ADCYAP1R1: variants seen among roughly 807,000 people sequenced by gnomAD.
The protein encoded by ADCYAP1R1 is pituitary adenylate cyclase-activating polypeptide type I receptor.
ADCYAP1R1 carries 44 observed loss-of-function variants against 67.6 expected under a neutral mutation model. That is an observed-to-expected ratio of 0.65 (90% CI 0.51 to 0.84). The LOEUF (loss-of-function observed/expected upper bound fraction) is 0.84. Among genes scored for constraint, ADCYAP1R1 ranks in the 40% least tolerant of loss-of-function variants. The pLI is 0.00. For synonymous variants in ADCYAP1R1, 222 were observed against 219.6 expected (o/e 1.01, Z -0.10); for missense variants, 477 against 587.9 (o/e 0.81, Z 1.95).
rs190348568 is a variant in ADCYAP1R1 at position 31,065,495 on chromosome 7, G to A, written c.157+559G>A. 9.5e-4 allele frequency among the ~76,000 whole-genome samples: 144 copies of A among 152,316 alleles called. 1 individual carries two copies. The highest frequency in any genetic ancestry group is 3.4e-3 in the African/African-American group (140 of 41,572). ...GGAAGCACACATTGCAGGACATTGAGCGTTCTTAGCCTCTCCCTCTAAATG... is the reference window on the plus strand; with the variant it reads ...GGAAGCACACATTGCAGGACATTGAACGTTCTTAGCCTCTCCCTCTAAATG... On this transcript the variant is annotated intron_variant, in intron 3 of 15. Transcript: ENST00000304166.
At chr7:31,097,656 TA>T (rs3216473) in intron 13 of ADCYAP1R1, among the ~76,000 whole-genome samples, 13,771 of 151,948 alleles carry the variant, frequency 0.091, 697 homozygotes, top group African/African-American at 0.11. Context: ...AAAAAATCCT[TA>T]AAAAAAATCA....
chr7:31,058,190 G>A (rs1794337689), intron 1 of ADCYAP1R1, among the ~76,000 whole-genome samples: 1 of 152,240 alleles, frequency 6.6e-6, no homozygotes, highest in Admixed American at 6.5e-5. Flanking sequence ...CCTTCAGCCA[G>A]GGGAAGCAGA....
chr7:31,065,454 G>T (rs1221059711), intron 3 of ADCYAP1R1, among the ~76,000 whole-genome samples: 4 of 152,212 alleles, frequency 2.6e-5, no homozygotes, highest in Non-Finnish European at 4.4e-5. Flanking sequence ...GGAGGGTCCT[G>T]CTTCCCTCCA....
At chr7:31,106,169 G>T (rs1220460471) in intron 15 of ADCYAP1R1, among the ~76,000 whole-genome samples, 1 of 152,240 alleles carries the variant, frequency 6.6e-6, no homozygotes, top group Non-Finnish European at 1.5e-5. Flanking sequence ...TGATCCACCT[G>T]CCCTGTGGGA....
Position 31,108,845 on chromosome 7 carries a change from T to G in ADCYAP1R1, c.*2161T>G, listed in dbSNP as rs1796748370. ...GGAAATGGACCTTCTGTCCCTTCCATTTGGACACCACAGTGGAAGCTGGTG... is the reference window on the plus strand; with the variant it reads ...GGAAATGGACCTTCTGTCCCTTCCAGTTGGACACCACAGTGGAAGCTGGTG... On this transcript the variant is annotated 3_prime_UTR_variant, in exon 16 of 16. Transcript: ENST00000304166. The G allele has an allele frequency of 1.3e-5, 2 of 152,186 alleles. No individual in the cohort carries two copies. Among genetic ancestry groups the G allele is most frequent in the African/African-American group, 4.8e-5 (2 of 41,398 alleles). 9.4% of individuals were successfully genotyped at this position (152,186 alleles called of 1,614,324 possible).
intron 7 of ADCYAP1R1, 22 bp from the exon 8 acceptor site, chr7:31,084,715 C>G (rs748340204): frequency 6.3e-7 from 1 of 1,598,036 alleles, no homozygotes; most frequent in South Asian, 1.1e-5. Flanking sequence ...TGAAGTCCTG[C>G]ATGTCCTGTG....
intron 13 of ADCYAP1R1, chr7:31,095,646 G>A (rs1796158469): frequency 1.4e-6 from 1 of 717,590 alleles, no homozygotes; most frequent in Admixed American, 2.0e-5. Context: ...CAGCTCTCCG[G>A]TTTTTTCCTC....
Position 31,109,764 on chromosome 7 carries a change from T to C in ADCYAP1R1, c.*3080T>C, listed in dbSNP as rs1312898492. ...AGGAAATGGGATTCCAAGTCAAGGA[T>C]GCTGAGGCTGTCAGGGAGCCAGAGA... On this transcript the variant is annotated 3_prime_UTR_variant, in exon 16 of 16. Transcript: ENST00000304166. The C allele has an allele frequency of 6.6e-6, 1 of 152,466 alleles. No individual in the cohort carries two copies. Among genetic ancestry groups the C allele is most frequent in the African/African-American group, 2.4e-5 (1 of 41,392 alleles). 9.4% of individuals were successfully genotyped at this position (152,466 alleles called of 1,614,324 possible).
At chr7:31,054,416 G>T (rs895664573) in intron 1 of ADCYAP1R1, among the ~76,000 whole-genome samples, 2 of 152,200 alleles carry the variant, frequency 1.3e-5, no homozygotes, top group Non-Finnish European at 2.9e-5. Context: ...TAAGGTTCAG[G>T]CTGGCAGGGG....
chr7:31,053,708 G>T (rs559210750), intron 1 of ADCYAP1R1, among the ~76,000 whole-genome samples: 1 of 152,322 alleles, frequency 6.6e-6, no homozygotes, highest in South Asian at 2.1e-4. Context: ...ATCTTCCCCA[G>T]CCTTACAATG....
chr7:31,080,829 G>T (rs952508783), intron 5 of ADCYAP1R1, among the ~76,000 whole-genome samples, 196 bp downstream of exon 5: 3 of 152,178 alleles, frequency 2.0e-5, no homozygotes, highest in Admixed American at 6.5e-5. Flanking sequence ...GGGGGGCACA[G>T]GAAGATGCAC....
chr7:31,086,842 C>A lies in ADCYAP1R1; in HGVS notation c.824-101C>A. Reference sequence around the variant, plus strand: ...GTTAGAATTCCCAGGAATTCCAAGTCTCATGGGGGAGCAATAGCCTCTCGG... The same window carrying A: ...GTTAGAATTCCCAGGAATTCCAAGTATCATGGGGGAGCAATAGCCTCTCGG... On this transcript the variant is annotated intron_variant, in intron 10 of 15. Transcript: ENST00000304166. This position sits in a 1 kb window ranked among gnomAD's most constrained non-coding sequence, Gnocchi z 5.0. 1 of 1,275,594 alleles carries A rather than the reference C, an allele frequency of 7.8e-7. No individual in the cohort carries two copies. Among genetic ancestry groups the A allele is most frequent in the Non-Finnish European group, 1.1e-6 (1 of 876,236 alleles). 79.0% of individuals were successfully genotyped at this position (1,275,594 alleles called of 1,614,324 possible). A position where few individuals can be genotyped will look rare whatever the true frequency, so the allele number is the denominator to read the frequency against.
In ADCYAP1R1 at chr7:31,106,558, C is replaced by G; in HGVS notation, c.1281C>G (p.Asp427Glu). Residue 427 changes from aspartate (D) to glutamate (E), a missense_variant, in exon 16 of 16, where the codon GAC (aspartate) becomes GAG (glutamate). Asp to Glu is a conservative substitution (Grantham distance 45, BLOSUM62 2). Coordinates refer to ENST00000304166, the MANE Select transcript of ADCYAP1R1 (RefSeq NM_001118.5). ...AGGTGAACCGTTACTTCGCTGTGGA[C>G]TTCAAGCACCGACACCCGTCTCTGG... ...SWKVNRYFAV[D>E]FKHRHPSLAS... 6.2e-7 allele frequency: 1 copy of G among 1,614,076 alleles called. No homozygotes were observed. The highest frequency in any genetic ancestry group is 8.5e-7 in the Non-Finnish European group (1 of 1,179,938).
intron 3 of ADCYAP1R1, among the ~76,000 whole-genome samples, chr7:31,074,136 A>G (rs1434858571): frequency 6.6e-6 from 1 of 152,200 alleles, no homozygotes; most frequent in Non-Finnish European, 1.5e-5. Context: ...GGGAGCTCAC[A>G]GAGACACTCA....
chr7:31,081,157 G>C (rs1795497603), intron 5 of ADCYAP1R1, among the ~76,000 whole-genome samples: 1 of 152,140 alleles, frequency 6.6e-6, no homozygotes, highest in South Asian at 2.1e-4. Flanking sequence ...CGGGGATGGG[G>C]TGGAAATGGG....
rs144495647 is a variant in ADCYAP1R1 at position 31,106,561 on chromosome 7, C to T, written c.1284C>T (p.Phe428=). 1.2e-6 allele frequency: 2 copies of T among 1,614,044 alleles called. No homozygotes were observed. Among genetic ancestry groups the T allele is most frequent in the Admixed American group, 1.7e-5 (1 of 60,008 alleles). Residue 428 remains phenylalanine (F), a synonymous_variant, in exon 16 of 16, where the codon TTC becomes TTT. Coordinates refer to ENST00000304166, the MANE Select transcript of ADCYAP1R1 (RefSeq NM_001118.5). ...TGAACCGTTACTTCGCTGTGGACTT[C>T]AAGCACCGACACCCGTCTCTGGCCA... is the stretch of plus-strand genomic sequence containing the variant. ...WKVNRYFAVD[F]KHRHPSLASS...
rs1796672910 is a variant in ADCYAP1R1, at chr7:31,106,906, C to T, written c.*222C>T. ...TGGTCCCCTGGGCCCTGACCCCAGA[C>T]ATGTAAATACTCCTCAAATTTGGAA... is the stretch of plus-strand genomic sequence containing the variant. On this transcript the variant is annotated 3_prime_UTR_variant, in exon 16 of 16. Coordinates refer to ENST00000304166, the MANE Select transcript of ADCYAP1R1 (RefSeq NM_001118.5). 3.8e-6 allele frequency: 2 copies of T among 533,288 alleles called. No individual in the cohort carries two copies. The highest frequency in any genetic ancestry group is 4.9e-4 in the Middle Eastern group (1 of 2,046). 33.0% of individuals were successfully genotyped at this position (533,288 alleles called of 1,614,324 possible).
At chr7:31,059,179 G>C (rs1445175933) in intron 1 of ADCYAP1R1, among the ~76,000 whole-genome samples, 1 of 152,142 alleles carries the variant, frequency 6.6e-6, no homozygotes, top group Non-Finnish European at 1.5e-5. Flanking sequence ...GTTAACACAT[G>C]TATAGCCCTT....
intron 4 of ADCYAP1R1, among the ~76,000 whole-genome samples, chr7:31,078,733 G>T (rs1005578579): frequency 6.6e-6 from 1 of 152,200 alleles, no homozygotes; most frequent in Non-Finnish European, 1.5e-5. Flanking sequence ...GGCCCTAGCT[G>T]CCCTCAGGCA....
Sources: gnomAD v4.1 joint callset for allele counts (sites outside exome capture counted in the v4.1 genomes callset) on GRCh38, gnomAD v4.1.1 for gene constraint, Gnocchi (gnomAD v3.1) non-coding constraint, MANE v1.5 for transcripts, NCBI Gene and HGNC (gene_info 2026-07-23, HGNC 2026-07-21) for gene names.